Variants in RPAP3 observed in about 807,000 individuals in gnomAD.
RPAP3 encodes RNA polymerase II-associated protein 3.
A neutral mutation model predicts 88.8 loss-of-function variants in RPAP3; 58 were observed. The observed-to-expected ratio is 0.65, with a 90% CI of 0.53 to 0.81. The LOEUF (loss-of-function observed/expected upper bound fraction) is 0.81, where lower values mean the gene tolerates loss of function less well. Among genes scored for constraint, RPAP3 ranks in the 40% least tolerant of loss-of-function variants. The pLI is 0.00. For missense variants in RPAP3, 751 were observed against 764.3 expected, an observed-to-expected ratio of 0.98 and a Z score of 0.20; for synonymous variants, 255 against 259.9, an observed-to-expected ratio of 0.98 and a Z score of 0.18.
chr12:47,703,625 G>A (rs1939703334), intron 1 of RPAP3, among the ~76,000 whole-genome samples: 2 of 152,212 alleles, frequency 1.3e-5, no homozygotes, highest in South Asian at 4.1e-4. Context: ...AGTCCCCAGA[G>A]GTGTTGGAAC....
intron 16 of RPAP3, 100 bp downstream of exon 16, chr12:47,666,880 C>T: frequency 2.3e-6 from 1 of 425,744 alleles, no homozygotes. Context: ...TTAAATATAA[C>T]CTTATACACA....
At position 47,663,453 on chromosome 12, in the gene RPAP3, G is replaced by GA. The variant is rs1350620851; in HGVS notation, c.*51dup. ...CTTAAAAAGCAAAACACTTTCAGTA[G>GA]AAAAAATTTACATATGAAAGTCAAA... On this transcript the variant is annotated 3_prime_UTR_variant, in exon 17 of 17. Coordinates refer to ENST00000005386, the MANE Select transcript of RPAP3 (RefSeq NM_024604.3). 28 of 1,211,030 alleles carry GA rather than the reference G, an allele frequency of 2.3e-5. No homozygotes were observed. In the East Asian group the frequency reaches 3.6e-4, roughly 15 times the overall value. 75.0% of individuals were successfully genotyped at this position (1,211,030 alleles called of 1,614,324 possible).
chr12:47,664,103 T>A (rs985677156), intron 16 of RPAP3, among the ~76,000 whole-genome samples: 1 of 152,158 alleles, frequency 6.6e-6, no homozygotes, highest in Non-Finnish European at 1.5e-5. Context: ...AAAAATAAGA[T>A]CATGGGCCAG....
chr12:47,675,150 C>T (rs936348934), intron 12 of RPAP3, among the ~76,000 whole-genome samples: 5 of 152,150 alleles, frequency 3.3e-5, no homozygotes, highest in African/African-American at 1.2e-4. Flanking sequence ...CCAAACTAAG[C>T]TTCCTAAGTG....
intron 10 of RPAP3, among the ~76,000 whole-genome samples, chr12:47,680,429 A>G (rs1439596809): frequency 1.3e-5 from 2 of 152,156 alleles, no homozygotes; most frequent in African/African-American, 2.4e-5. Context: ...TATATATTGA[A>G]AAATGGTTAA....
At chr12:47,702,557 AAAAAG>A in intron 2 of RPAP3, 126 bp downstream of exon 2, 8 of 819,462 alleles carry the variant, frequency 9.8e-6, no homozygotes, top group East Asian at 2.9e-5. Context: ...CATCACAAAA[AAAAAG>A]AAAAGAAAAT....
At chr12:47,681,643 T>G in intron 10 of RPAP3, 53 bp downstream of exon 10, 1 of 1,575,018 alleles carries the variant, frequency 6.3e-7, no homozygotes, top group Non-Finnish European at 8.6e-7. Flanking sequence ...CTCTGCTTCT[T>G]TAACTTGGGC....
chr12:47,701,001 T>G (rs777404242), intron 3 of RPAP3, among the ~76,000 whole-genome samples: 3 of 152,174 alleles, frequency 2.0e-5, no homozygotes, highest in Non-Finnish European at 2.9e-5. Flanking sequence ...GGAATCTTTG[T>G]GGTGGTGCCA....
chr12:47,699,207 T>G (rs949398123), intron 3 of RPAP3, among the ~76,000 whole-genome samples: 4 of 152,234 alleles, frequency 2.6e-5, no homozygotes, highest in African/African-American at 7.2e-5. Context: ...CTTGATGGCA[T>G]TGTCCACATA....
chr12:47,680,795 T>C (rs1037436566), intron 10 of RPAP3, among the ~76,000 whole-genome samples: 1 of 151,470 alleles, frequency 6.6e-6, no homozygotes, highest in African/African-American at 2.4e-5. Flanking sequence ...ATCTCCATTA[T>C]CCTCCATTCC....
In RPAP3 at chr12:47,681,655, CTCA is replaced by C. The variant is rs559721141; in HGVS notation, c.1114+38_1114+40del. On this transcript the variant is annotated intron_variant, in intron 10 of 16. Transcript: ENST00000005386. ...AATCTCTGCTTCTTTAACTTGGGCA[CTCA>C]TCAGGATGACTGAGTGCCAGCTGTT... The C allele has an allele frequency of 1.3e-4, 201 of 1,594,122 alleles. 4 individuals carry two copies. The South Asian group carries it at 2.2e-3, about 18-fold the overall frequency.
chr12:47,702,545 T>C (rs1939676119), intron 2 of RPAP3, 143 bp downstream of exon 2: 1 of 681,928 alleles, frequency 1.5e-6, no homozygotes, highest in Non-Finnish European at 2.3e-6. Flanking sequence ...AGAGCAAGAC[T>C]CCATCACAAA....
chr12:47,669,048 G>C lies in RPAP3; in HGVS notation c.1581C>G (p.Pro527=). The change falls in exon 14 of 17, where the codon CCC becomes CCG. Residue 527 remains proline (P), a synonymous_variant. Transcript: ENST00000005386. The stretch of plus-strand genomic sequence containing the variant: ...GAGCAGGTTTTTGTTCTATCTCTAT[G>C]GGCATTTTCTCGCTGTAAGACTGAC... The part of the protein sequence containing the change: ...DVCQSYSEKM[P]IEIEQKPAQF... 6 of 1,613,812 alleles carry C rather than the reference G, an allele frequency of 3.7e-6. No homozygotes were observed. The highest frequency in any genetic ancestry group is 5.1e-6 in the Non-Finnish European group (6 of 1,179,790).
At chr12:47,679,804 CA>C in intron 10 of RPAP3, 30 bp from the exon 11 acceptor site, 1 of 1,461,492 alleles carries the variant, frequency 6.8e-7, no homozygotes, top group Non-Finnish European at 9.5e-7. Flanking sequence ...AACATTACAA[CA>C]TAGTTAAAAT....
At chr12:47,676,369 T>C (rs1565715670) in intron 12 of RPAP3, among the ~76,000 whole-genome samples, 1 of 151,988 alleles carries the variant, frequency 6.6e-6, no homozygotes, top group Non-Finnish European at 1.5e-5. Context: ...ATTCAAAACC[T>C]AGCAGAAGGC....
intron 12 of RPAP3, among the ~76,000 whole-genome samples, chr12:47,677,265 G>A (rs1939135344): frequency 6.6e-6 from 1 of 152,072 alleles, no homozygotes; most frequent in South Asian, 2.1e-4. Context: ...AGCTATTTAT[G>A]ACAAACCCAC....
At chr12:47,695,073 A>G (rs569448022) in intron 5 of RPAP3, among the ~76,000 whole-genome samples, 1 of 152,256 alleles carries the variant, frequency 6.6e-6, no homozygotes, top group South Asian at 2.1e-4. Context: ...ATAAGGAAAG[A>G]AAGGACAGAA....
chr12:47,669,896 T>G (rs1212366958), intron 13 of RPAP3, among the ~76,000 whole-genome samples: 3 of 152,138 alleles, frequency 2.0e-5, no homozygotes, highest in Non-Finnish European at 4.4e-5. Flanking sequence ...ATCTTTAAAT[T>G]TCACACTGTG....
chr12:47,702,693 C>G lies in RPAP3; in HGVS notation c.148G>C (p.Glu50Gln), dbSNP rs370359722. Residue 50 changes from glutamate to glutamine, a missense_variant, in exon 2 of 17, where the codon GAA (glutamate) becomes CAA (glutamine). Transcript: ENST00000005386. ...MELRRQNGVP[E>Q]ENLPPIRNGN... is the part of the protein sequence containing the mutation. ...ATTACGAATTCTTAATTTACCTCTT[C>G]AGGAACACCATTCTGTCTTCTTAGT... 91 of 1,574,830 alleles carry G rather than the reference C, an allele frequency of 5.8e-5. No homozygotes were observed. The highest frequency in any genetic ancestry group is 6.9e-5 in the Non-Finnish European group (80 of 1,161,778).
Sources: allele counts gnomAD v4.1 joint callset (sites outside exome capture counted in the v4.1 genomes callset), GRCh38; gene constraint gnomAD v4.1.1; transcripts MANE v1.5; gene names NCBI Gene and HGNC (gene_info 2026-07-23, HGNC 2026-07-21).